Variants in RARB observed in about 807,000 individuals in gnomAD.
RARB encodes HBV-activated protein.
Under a neutral mutation model 51.9 loss-of-function variants are expected in RARB, and 17 were observed. The ratio of observed to expected loss-of-function variants is 0.33; its 90% CI spans 0.22 to 0.49. The LOEUF (loss-of-function observed/expected upper bound fraction) is 0.49. Ranked by LOEUF, RARB falls within the 20% of genes least tolerant of loss-of-function variation. The probability of loss-of-function intolerance (pLI) is 0.99; values close to 1 mark genes in which losing one functional copy is unlikely to be tolerated. For missense variants in RARB, 369 were observed against 550.8 expected (o/e 0.67, Z 3.30); for synonymous variants, 215 against 195.4 (o/e 1.10, Z -0.84).
At chr3:25,217,037 A>T (rs922554496) in intron 5 of RARB, among the ~76,000 whole-genome samples, 3 of 152,140 alleles carry the variant, frequency 2.0e-5, no homozygotes, top group African/African-American at 7.2e-5. Flanking sequence ...GTTCTCATCA[A>T]GAGGTGCGTG....
At position 25,510,661 on chromosome 3, in the gene RARB, C is replaced by T. The variant is rs76522040; in HGVS notation, c.448+9338C>T. 4.4e-3 allele frequency among the ~76,000 whole-genome samples: 672 copies of T among 152,218 alleles called. 9 individuals are homozygous for T. Among genetic ancestry groups the T allele is most frequent in the African/African-American group, 0.015 (620 of 41,546 alleles). On this transcript the variant is annotated intron_variant, in intron 3 of 7. Transcript: ENST00000330688. ...TCTATAATTATGTGGTTTGATTTAA[C>T]GTGTATACTAGTTTAATGCAGTATT...
At chr3:24,988,079 GATGTA>G (rs1696833071) in intron 2 of RARB, among the ~76,000 whole-genome samples, 1 of 152,082 alleles carries the variant, frequency 6.6e-6, no homozygotes, top group Non-Finnish European at 1.5e-5. Flanking sequence ...ACGCTTGCTA[GATGTA>G]ATTGTCTCAT....
intron 2 of RARB, among the ~76,000 whole-genome samples, chr3:25,467,268 C>G (rs1695478730): frequency 6.6e-6 from 1 of 152,240 alleles, no homozygotes; most frequent in Admixed American, 6.5e-5. Flanking sequence ...ACAAATAACT[C>G]AAATGCTTAA....
intron 2 of RARB, among the ~76,000 whole-genome samples, chr3:25,477,739 G>A (rs2125577384): frequency 6.6e-6 from 1 of 152,266 alleles, no homozygotes. Context: ...CCCAAGACGT[G>A]TCCCAGTTAC....
intron 5 of RARB, among the ~76,000 whole-genome samples, chr3:25,327,432 T>C (rs1704758610): frequency 6.6e-6 from 1 of 152,164 alleles, no homozygotes; most frequent in Non-Finnish European, 1.5e-5. Flanking sequence ...CATCAGACTT[T>C]TTAATAGCTA....
chr3:24,999,539 T>A (rs1392072742), intron 2 of RARB, among the ~76,000 whole-genome samples: 1 of 152,130 alleles, frequency 6.6e-6, no homozygotes. Context: ...CATAAACTTG[T>A]TTAAAGTCAG....
intron 4 of RARB, among the ~76,000 whole-genome samples, chr3:25,157,350 T>TTGTGTG (rs748559000): frequency 0.1 from 15,185 of 144,904 alleles, 992 homozygotes; most frequent in Non-Finnish European, 0.14. Context: ...GTGTGTGTGT[T>TTGTGTG]TGTGTGTGTG....
intron 3 of RARB, among the ~76,000 whole-genome samples, chr3:25,089,150 T>A (rs929417514): frequency 3.3e-5 from 5 of 151,910 alleles, no homozygotes; most frequent in East Asian, 1.9e-4. Context: ...ATTTTTTTTT[T>A]AAACAAATTC....
chr3:25,013,122 T>A (rs1322988946), intron 2 of RARB, among the ~76,000 whole-genome samples: 1 of 152,118 alleles, frequency 6.6e-6, no homozygotes, highest in African/African-American at 2.4e-5. Flanking sequence ...TCCATTTGAA[T>A]CAACAGAGAC....
chr3:25,476,440 G>A (rs1237814240), intron 2 of RARB, among the ~76,000 whole-genome samples: 1 of 151,930 alleles, frequency 6.6e-6, no homozygotes, highest in Non-Finnish European at 1.5e-5. Flanking sequence ...CTCTTATTTG[G>A]CTGTGCCTTC....
intron 1 of RARB, among the ~76,000 whole-genome samples, chr3:25,452,694 A>C (rs1049987207): frequency 1.3e-5 from 2 of 152,136 alleles, no homozygotes; most frequent in African/African-American, 4.8e-5. Flanking sequence ...AATAGTAAAC[A>C]TATTAAGTCA....
intron 3 of RARB, among the ~76,000 whole-genome samples, chr3:25,546,346 AC>A (rs1190937523): frequency 6.6e-6 from 1 of 152,198 alleles, no homozygotes; most frequent in East Asian, 1.9e-4. Flanking sequence ...TCCGTCGAGC[AC>A]AGACTGGAGG....
At chr3:24,849,633 A>T (rs1032471891) in intron 1 of RARB, among the ~76,000 whole-genome samples, 1 of 152,256 alleles carries the variant, frequency 6.6e-6, no homozygotes, top group African/African-American at 2.4e-5. Context: ...ACCTGAGAGA[A>T]GCTTCTCAAA....
At chr3:25,232,890 G>C (rs963787286) in intron 5 of RARB, among the ~76,000 whole-genome samples, 1 of 151,960 alleles carries the variant, frequency 6.6e-6, no homozygotes, top group Non-Finnish European at 1.5e-5. Context: ...AGCTAATGTA[G>C]GTGTTCTGAG....
At chr3:24,958,962 A>C (rs1696081806) in intron 2 of RARB, among the ~76,000 whole-genome samples, 1 of 152,198 alleles carries the variant, frequency 6.6e-6, no homozygotes. Flanking sequence ...CACACAGGTG[A>C]GCCGGTGCAG....
chr3:25,363,259 T>C (rs1231997946), intron 5 of RARB, among the ~76,000 whole-genome samples: 1 of 152,120 alleles, frequency 6.6e-6, no homozygotes, highest in African/African-American at 2.4e-5. Context: ...ACGTAGGCTG[T>C]GGGGCTAGTC....
At chr3:25,570,230 A>C (rs1434878187) in intron 4 of RARB, among the ~76,000 whole-genome samples, 1 of 152,234 alleles carries the variant, frequency 6.6e-6, no homozygotes, top group Non-Finnish European at 1.5e-5. Context: ...TGGCAACATG[A>C]ACTATTCAGT....
chr3:25,428,794 G>T lies in RARB; in HGVS notation c.63G>T (p.Ala21=). ...GGCAAATCCTGGATTTCTACACTGCGAGTCCGTCTTCCTGCATGCTCCAGG... is the reference window on the plus strand; with the variant it reads ...GGCAAATCCTGGATTTCTACACTGCTAGTCCGTCTTCCTGCATGCTCCAGG... The part of the protein sequence containing the change: ...SPGQILDFYT[A]SPSSCMLQEK... Residue 21 remains alanine (A), a synonymous_variant, in exon 1 of 8, where the codon GCG becomes GCT. Transcript: ENST00000330688. 6.2e-7 allele frequency: 1 copy of T among 1,614,112 alleles called. No individual in the cohort carries two copies. The highest frequency in any genetic ancestry group is 8.5e-7 in the Non-Finnish European group (1 of 1,180,024).
chr3:25,593,438 A>C, intron 5 of RARB, 65 bp from the exon 6 acceptor site: 1 of 1,435,088 alleles, frequency 7.0e-7, no homozygotes, highest in South Asian at 1.2e-5. Context: ...TTTCCTGCTT[A>C]CATCTGATTG....
Sources: gnomAD v4.1 joint callset for allele counts (sites outside exome capture counted in the v4.1 genomes callset) on GRCh38, gnomAD v4.1.1 for gene constraint, MANE v1.5 for transcripts, NCBI Gene and HGNC (gene_info 2026-07-23, HGNC 2026-07-21) for gene names.